Variants in HS3ST4 observed in about 807,000 individuals in gnomAD.
HS3ST4 encodes heparan sulfate glucosamine 3-O-sulfotransferase 4.
HS3ST4 carries 17 observed loss-of-function variants against 29.2 expected under a neutral mutation model. That is an observed-to-expected ratio of 0.58 (90% CI 0.40 to 0.87). The LOEUF is 0.87. Ranked by LOEUF, HS3ST4 falls within the 40% of genes least tolerant of loss-of-function variation. The pLI is 0.00. For missense variants in HS3ST4, 627 were observed against 634.5 expected (o/e 0.99, Z 0.13); for synonymous variants, 314 against 285.7 (o/e 1.10, Z -1.00).
At chr16:25,780,289 T>A (rs1596568537) in intron 1 of HS3ST4, among the ~76,000 whole-genome samples, 1 of 152,312 alleles carries the variant, frequency 6.6e-6, no homozygotes, top group East Asian at 1.9e-4. Flanking sequence ...ATGGTCCCAT[T>A]TGACATTTGC....
intron 1 of HS3ST4, among the ~76,000 whole-genome samples, chr16:25,742,886 G>C (rs1966663887): frequency 6.6e-6 from 1 of 152,132 alleles, no homozygotes; most frequent in Admixed American, 6.6e-5. Context: ...ACAAATTTGT[G>C]CCTCTGATTT....
At chr16:25,869,138 G>A (rs528872412) in intron 1 of HS3ST4, among the ~76,000 whole-genome samples, 5 of 152,122 alleles carry the variant, frequency 3.3e-5, no homozygotes, top group Admixed American at 6.6e-5. Flanking sequence ...TTCAGAGGCA[G>A]CCATCTGCTA....
At chr16:25,778,455 A>G (rs978733675) in intron 1 of HS3ST4, among the ~76,000 whole-genome samples, 9 of 152,210 alleles carry the variant, frequency 5.9e-5, no homozygotes, top group African/African-American at 2.2e-4. Flanking sequence ...TCAAACAAGT[A>G]CTAGGACTGA....
intron 1 of HS3ST4, among the ~76,000 whole-genome samples, chr16:25,984,950 T>G (rs1272902807): frequency 6.6e-6 from 1 of 152,198 alleles, no homozygotes; most frequent in Non-Finnish European, 1.5e-5. Flanking sequence ...CTTGGCCTGG[T>G]CCCTGGAGAG....
chr16:25,930,965 G>A (rs1245832841), intron 1 of HS3ST4, among the ~76,000 whole-genome samples: 2 of 151,950 alleles, frequency 1.3e-5, no homozygotes, highest in African/African-American at 4.8e-5. Context: ...ATAGAGACGG[G>A]GTCTCACTGT....
At chr16:25,806,070 TG>T (rs1203345802) in intron 1 of HS3ST4, among the ~76,000 whole-genome samples, 1 of 152,218 alleles carries the variant, frequency 6.6e-6, no homozygotes, top group Non-Finnish European at 1.5e-5. Flanking sequence ...TATTTCATGG[TG>T]TATGTGTACC....
At chr16:25,919,054 C>T (rs535708864) in intron 1 of HS3ST4, among the ~76,000 whole-genome samples, 36 of 152,252 alleles carry the variant, frequency 2.4e-4, no homozygotes, top group African/African-American at 7.9e-4. Context: ...GAGACAAAAC[C>T]TCTCTTTGTC....
At chr16:25,746,490 C>T (rs960089929) in intron 1 of HS3ST4, among the ~76,000 whole-genome samples, 6 of 150,966 alleles carry the variant, frequency 4.0e-5, no homozygotes, top group African/African-American at 9.7e-5. Context: ...GCACATGGTG[C>T]GTAGTCAGAA....
chr16:25,761,188 C>T (rs1249234055), intron 1 of HS3ST4, among the ~76,000 whole-genome samples: 4 of 152,190 alleles, frequency 2.6e-5, no homozygotes, highest in Non-Finnish European at 5.9e-5. Flanking sequence ...TCAGTCGTAT[C>T]TTGCCTATAA....
chr16:25,984,283 C>G (rs8051104), intron 1 of HS3ST4, among the ~76,000 whole-genome samples: 3,120 of 152,160 alleles, frequency 0.021, 125 homozygotes, highest in African/African-American at 0.072. Context: ...GGGACGGTTT[C>G]GGGATGAAAC....
chr16:26,002,677 G>A (rs1969221901), intron 1 of HS3ST4, among the ~76,000 whole-genome samples: 1 of 123,250 alleles, frequency 8.1e-6, no homozygotes, highest in African/African-American at 3.0e-5. Context: ...GAAAGAGAAA[G>A]AGATAGAGAA....
chr16:25,960,415 G>A (rs1968783301), intron 1 of HS3ST4, among the ~76,000 whole-genome samples: 2 of 152,272 alleles, frequency 1.3e-5, no homozygotes, highest in South Asian at 2.1e-4. Context: ...TATAAACACT[G>A]GGATTCAACC....
intron 1 of HS3ST4, among the ~76,000 whole-genome samples, chr16:26,036,806 C>T (rs897807228): frequency 2.0e-5 from 3 of 151,976 alleles, no homozygotes; most frequent in Admixed American, 6.6e-5. Context: ...GACACAGAAA[C>T]TATCTAGAAC....
At chr16:26,014,524 CTGT>C (rs1424483413) in intron 1 of HS3ST4, among the ~76,000 whole-genome samples, 1 of 152,058 alleles carries the variant, frequency 6.6e-6, no homozygotes, top group Non-Finnish European at 1.5e-5. Context: ...GTCCTGGTGT[CTGT>C]TGTTCCCTTC....
chr16:25,860,009 G>A (rs1406460818), intron 1 of HS3ST4, among the ~76,000 whole-genome samples: 1 of 152,192 alleles, frequency 6.6e-6, no homozygotes, highest in Non-Finnish European at 1.5e-5. Flanking sequence ...CCTATTGTGT[G>A]TGAACTGTGC....
At chr16:25,979,838 C>T (rs1968986133) in intron 1 of HS3ST4, among the ~76,000 whole-genome samples, 2 of 152,182 alleles carry the variant, frequency 1.3e-5, no homozygotes, top group African/African-American at 4.8e-5. Flanking sequence ...CCTCTCCTTG[C>T]CTAGAAGTGG....
chr16:25,771,518 C>A (rs779918096), intron 1 of HS3ST4, among the ~76,000 whole-genome samples: 1 of 152,026 alleles, frequency 6.6e-6, no homozygotes, highest in Admixed American at 6.6e-5. Flanking sequence ...TTCCCCTTGG[C>A]AAACCACACT....
intron 1 of HS3ST4, among the ~76,000 whole-genome samples, chr16:25,986,344 C>T (rs1432780363): frequency 6.6e-6 from 1 of 152,226 alleles, no homozygotes; most frequent in East Asian, 1.9e-4. Flanking sequence ...TGCAACACTT[C>T]TATTAGGTTG....
intron 1 of HS3ST4, among the ~76,000 whole-genome samples, chr16:25,921,150 C>A (rs1968347793): frequency 6.6e-6 from 1 of 152,122 alleles, no homozygotes; most frequent in Admixed American, 6.5e-5. Flanking sequence ...GTCTGTAGTG[C>A]CCAGAATGGG....
Sources: allele counts gnomAD v4.1 joint callset (sites outside exome capture counted in the v4.1 genomes callset), GRCh38; gene constraint gnomAD v4.1.1; transcripts MANE v1.5; gene names NCBI Gene and HGNC (gene_info 2026-07-23, HGNC 2026-07-21).